SORBS2: variants seen among roughly 807,000 people sequenced by gnomAD.
SORBS2 encodes the protein sorbin and SH3 domain containing 2.
In SORBS2, 46 loss-of-function variants were observed where a neutral mutation model predicts 97.7. The observed-to-expected ratio is 0.47, with a 90% CI of 0.37 to 0.60. The LOEUF is 0.60. Among genes scored for constraint, SORBS2 ranks in the 20% least tolerant of loss-of-function variants. SORBS2 has a pLI of 0.00. For missense variants in SORBS2, 1,316 were observed against 1,282.3 expected (o/e 1.03, Z -0.40); for synonymous variants, 476 against 473.4 (o/e 1.01, Z -0.07).
At chr4:185,697,387 C>A (rs984252027) in intron 2 of SORBS2, among the ~76,000 whole-genome samples, 1 of 152,150 alleles carries the variant, frequency 6.6e-6, no homozygotes, top group Admixed American at 6.5e-5. Context: ...AGCTTAGCAA[C>A]ATGTTGGAAT....
chr4:185,675,283 T>A (rs1280585118), intron 4 of SORBS2: 1 of 152,526 alleles, frequency 6.6e-6, no homozygotes, highest in African/African-American at 2.4e-5. Flanking sequence ...CTCCTACACC[T>A]GCTTCCTGGC....
chr4:185,678,528 A>G (rs1011516347), exon 4 of SORBS2: 6 of 1,547,428 alleles, frequency 3.9e-6, no homozygotes, highest in Admixed American at 2.0e-5. Flanking sequence ...CCTGATTGCC[A>G]TCATTGTAAG....
chr4:185,737,024 A>G (rs1232229372), intron 2 of SORBS2, among the ~76,000 whole-genome samples: 1 of 152,204 alleles, frequency 6.6e-6, no homozygotes, highest in African/African-American at 2.4e-5. Context: ...GCTCTTAGCA[A>G]CATCCATGAA....
chr4:185,877,713 T>A (rs576379788), intron 1 of SORBS2, among the ~76,000 whole-genome samples: 1 of 151,470 alleles, frequency 6.6e-6, no homozygotes, highest in African/African-American at 2.4e-5. Context: ...CTAAAAAAAA[T>A]ACAAAAAATT....
intron 2 of SORBS2, among the ~76,000 whole-genome samples, chr4:185,760,257 A>G (rs2098867918): frequency 6.6e-6 from 1 of 152,218 alleles, no homozygotes; most frequent in Non-Finnish European, 1.5e-5. Context: ...ACTCTGAAAA[A>G]TTAACAAAAT....
intron 1 of SORBS2, among the ~76,000 whole-genome samples, chr4:185,908,580 G>T (rs956568751): frequency 6.6e-6 from 1 of 151,754 alleles, no homozygotes; most frequent in Non-Finnish European, 1.5e-5. Context: ...TCAGAGAAGC[G>T]CTCAAAGGGA....
At chr4:185,678,615 T>A (rs1184337065) in intron 3 of SORBS2, 68 bp from the exon 7 acceptor site, 1 of 1,427,812 alleles carries the variant, frequency 7.0e-7, no homozygotes, top group Non-Finnish European at 9.3e-7. Flanking sequence ...TTATAAAATT[T>A]ATTTTTATTT....
intron 1 of SORBS2, among the ~76,000 whole-genome samples, chr4:185,890,559 G>A (rs909919255): frequency 3.3e-5 from 5 of 152,120 alleles, no homozygotes; most frequent in Non-Finnish European, 7.4e-5. Context: ...ACTCACACCC[G>A]CTTCCGGACT....
At chr4:185,925,032 A>G (rs773153470) in intron 1 of SORBS2, among the ~76,000 whole-genome samples, 1 of 152,214 alleles carries the variant, frequency 6.6e-6, no homozygotes, top group Non-Finnish European at 1.5e-5. Flanking sequence ...AACAATGGCC[A>G]TATTCAAGCC....
intron 1 of SORBS2, among the ~76,000 whole-genome samples, chr4:185,858,190 G>A (rs2099221721): frequency 1.3e-5 from 2 of 152,238 alleles, no homozygotes; most frequent in Admixed American, 6.5e-5. Flanking sequence ...CTGACACTTA[G>A]GGAAAATAGA....
At chr4:185,761,509 T>C (rs528538042) in intron 2 of SORBS2, 8 of 152,354 alleles carry the variant, frequency 5.3e-5, no homozygotes, top group South Asian at 4.1e-4. Context: ...GGCGATGTCA[T>C]TGGAGAAAGG....
At chr4:185,783,403 A>T (rs1219205411) in intron 1 of SORBS2, among the ~76,000 whole-genome samples, 1 of 152,226 alleles carries the variant, frequency 6.6e-6, no homozygotes, top group Non-Finnish European at 1.5e-5. Context: ...CAGGTGGCCA[A>T]GTGAGGCCTT....
At position 185,666,073 on chromosome 4, in the gene SORBS2, C is replaced by A. The variant is rs187659075; in HGVS notation, c.-45-3831G>T. ...GAGTGATGCTGAGCTGGTGCCACTGCCTGGTGAGAAAGTGGCTCGGTTCAA... is the reference window on the plus strand; with the variant it reads ...GAGTGATGCTGAGCTGGTGCCACTGACTGGTGAGAAAGTGGCTCGGTTCAA... On this transcript the variant is annotated intron_variant, in intron 4 of 20. Coordinates refer to the SORBS2 transcript ENST00000284776. The A allele has an allele frequency of 7.0e-6, 9 of 1,289,698 alleles. No individual in the cohort carries two copies. The East Asian group carries it at 5.0e-4, about 72-fold the overall frequency. The allele number at this position is 1,289,698 out of a possible 1,614,324, so 79.9% of individuals were successfully genotyped here.
At position 185,809,527 on chromosome 4, in the gene SORBS2, C is replaced by T. The variant is rs114939128; in HGVS notation, c.-337-34161G>A. ...GAAATTCCAAAATATTTGATATTGC[C>T]AGCAGAAGAGTTGGAAAGTGGCAGA... is the stretch of plus-strand genomic sequence containing the variant. On this transcript the variant is annotated intron_variant, in intron 1 of 20. Transcript: ENST00000284776. Among the ~76,000 whole-genome samples, 888 of 143,948 alleles carry T rather than the reference C, an allele frequency of 6.2e-3. 13 individuals carry two copies. Among genetic ancestry groups the T allele is most frequent in the African/African-American group, 0.022 (833 of 38,734 alleles). The allele number at this position is 143,948 out of a possible 152,430, so 94.4% of individuals were successfully genotyped here.
intron 4 of SORBS2, among the ~76,000 whole-genome samples, chr4:185,634,814 C>T (rs2096967248): frequency 6.6e-6 from 1 of 152,042 alleles, no homozygotes; most frequent in Non-Finnish European, 1.5e-5. Flanking sequence ...TCATGTCTGT[C>T]ATGGGTATGA....
At chr4:185,820,034 G>A (rs2099195761) in intron 1 of SORBS2, among the ~76,000 whole-genome samples, 1 of 152,176 alleles carries the variant, frequency 6.6e-6, no homozygotes, top group South Asian at 2.1e-4. Context: ...GCATAAAAGG[G>A]TATTAGGTAT....
chr4:185,695,856 GA>G (rs1224619198), intron 2 of SORBS2, among the ~76,000 whole-genome samples: 1 of 152,148 alleles, frequency 6.6e-6, no homozygotes, highest in African/African-American at 2.4e-5. Context: ...TGTGAGTTTA[GA>G]AACTCTCTTC....
chr4:185,914,693 A>G (rs2099257125), intron 1 of SORBS2, among the ~76,000 whole-genome samples: 1 of 152,212 alleles, frequency 6.6e-6, no homozygotes, highest in South Asian at 2.1e-4. Context: ...AAATGCATCC[A>G]TCACTCCTGA....
At chr4:185,900,431 G>A (rs1399742441) in intron 1 of SORBS2, among the ~76,000 whole-genome samples, 2 of 152,134 alleles carry the variant, frequency 1.3e-5, no homozygotes, top group Non-Finnish European at 2.9e-5. Flanking sequence ...GAAGATCAAA[G>A]AAGCCAGCTC....
Sources: allele counts gnomAD v4.1 joint callset (sites outside exome capture counted in the v4.1 genomes callset), GRCh38; gene constraint gnomAD v4.1.1; transcripts MANE v1.5; gene names NCBI Gene and HGNC (gene_info 2026-07-23, HGNC 2026-07-21).